STXBP5L: variants seen among roughly 807,000 people sequenced by gnomAD.
STXBP5L encodes syntaxin binding protein 5L, also known as syntaxin-binding protein 5-like.
Under a neutral mutation model 144.5 loss-of-function variants are expected in STXBP5L, and 65 were observed. That is an observed-to-expected ratio of 0.45 (90% CI 0.37 to 0.55). STXBP5L has a LOEUF of 0.55. STXBP5L is among the 20% of genes least tolerant of loss of function. The pLI, the probability that STXBP5L is intolerant of heterozygous loss-of-function variation, is 0.00. For missense variants in STXBP5L, 1,298 were observed against 1,405.5 expected (o/e 0.92, Z 1.22); for synonymous variants, 505 against 469.6 (o/e 1.08, Z -0.97).
intron 18 of STXBP5L, among the ~76,000 whole-genome samples, chr3:121,267,856 G>T (rs2050620176): frequency 6.6e-6 from 1 of 152,152 alleles, no homozygotes; most frequent in Non-Finnish European, 1.5e-5. Context: ...ATCACAATGA[G>T]ATATTATCTC....
At chr3:121,190,270 C>G (rs1699960) in intron 9 of STXBP5L, among the ~76,000 whole-genome samples, 13 of 151,878 alleles carry the variant, frequency 8.6e-5, no homozygotes, top group Non-Finnish European at 1.8e-4. Context: ...TTAGCGAGCA[C>G]GCTGCCTTCA....
intron 14 of STXBP5L, among the ~76,000 whole-genome samples, chr3:121,242,125 A>G (rs1476637914): frequency 6.6e-6 from 1 of 152,188 alleles, no homozygotes; most frequent in Non-Finnish European, 1.5e-5. Context: ...TTTCAACACC[A>G]AATCTACCAT....
At chr3:121,180,287 C>T (rs1310154259) in intron 9 of STXBP5L, among the ~76,000 whole-genome samples, 3 of 152,162 alleles carry the variant, frequency 2.0e-5, no homozygotes, top group African/African-American at 7.2e-5. Flanking sequence ...CCATCTTTAG[C>T]CTACTTAAAC....
At chr3:121,373,638 A>C (rs2046096736) in intron 20 of STXBP5L, among the ~76,000 whole-genome samples, 1 of 152,186 alleles carries the variant, frequency 6.6e-6, no homozygotes, top group South Asian at 2.1e-4. Flanking sequence ...CAGGTGATCT[A>C]GCACATCAGA....
At chr3:121,163,121 T>G (rs2046379441) in intron 9 of STXBP5L, among the ~76,000 whole-genome samples, 1 of 152,152 alleles carries the variant, frequency 6.6e-6, no homozygotes, top group African/African-American at 2.4e-5. Context: ...CACATGCACA[T>G]GTATGTTTAT....
At chr3:121,282,222 TC>T (rs2051084457) in intron 19 of STXBP5L, 1 of 1,591,886 alleles carries the variant, frequency 6.3e-7, no homozygotes, top group South Asian at 1.1e-5. Flanking sequence ...TTTTTCTCTT[TC>T]TTCTGCCTGC....
At chr3:121,029,331 A>T (rs1946192381) in intron 3 of STXBP5L, among the ~76,000 whole-genome samples, 1 of 152,146 alleles carries the variant, frequency 6.6e-6, no homozygotes, top group African/African-American at 2.4e-5. Flanking sequence ...AACAAAACAG[A>T]TATATAGACC....
At chr3:120,982,614 T>TGGAGTAGAA (rs1434673063) in intron 3 of STXBP5L, among the ~76,000 whole-genome samples, 2 of 152,212 alleles carry the variant, frequency 1.3e-5, no homozygotes, top group East Asian at 3.8e-4. Context: ...GAAGTGGCTT[T>TGGAGTAGAA]GGAGTAGAAC....
At chr3:121,004,431 C>G (rs1342957213) in intron 3 of STXBP5L, among the ~76,000 whole-genome samples, 1 of 151,732 alleles carries the variant, frequency 6.6e-6, no homozygotes, top group East Asian at 1.9e-4. Flanking sequence ...AGTTGCCTAT[C>G]AGCTTAAGGA....
intron 10 of STXBP5L, among the ~76,000 whole-genome samples, chr3:121,209,686 G>C (rs920671693): frequency 1.3e-5 from 2 of 151,834 alleles, no homozygotes; most frequent in African/African-American, 4.8e-5. Context: ...TGCAGTGTTT[G>C]GTTTTTTGTC....
chr3:120,982,390 G>T (rs1210940102), intron 3 of STXBP5L, among the ~76,000 whole-genome samples: 1 of 152,188 alleles, frequency 6.6e-6, no homozygotes, highest in South Asian at 2.1e-4. Context: ...ATGAGTGGCA[G>T]GGAGAGCTCC....
intron 5 of STXBP5L, among the ~76,000 whole-genome samples, chr3:121,102,833 A>G (rs2107786791): frequency 6.6e-6 from 1 of 152,240 alleles, no homozygotes; most frequent in Admixed American, 6.5e-5. Flanking sequence ...AGGATCTATA[A>G]GGTACTTAGA....
intron 20 of STXBP5L, among the ~76,000 whole-genome samples, chr3:121,351,681 C>G (rs1451857280): frequency 6.6e-6 from 1 of 152,072 alleles, no homozygotes; most frequent in African/African-American, 2.4e-5. Flanking sequence ...TGTGCAGAAG[C>G]TCTTTAGTTT....
At chr3:121,183,101 A>G (rs2047225303) in intron 9 of STXBP5L, among the ~76,000 whole-genome samples, 1 of 152,200 alleles carries the variant, frequency 6.6e-6, no homozygotes, top group Non-Finnish European at 1.5e-5. Flanking sequence ...CATCCCATTA[A>G]TATGAAAACA....
intron 20 of STXBP5L, among the ~76,000 whole-genome samples, chr3:121,328,188 A>G (rs1417461381): frequency 3.3e-5 from 5 of 152,244 alleles, no homozygotes; most frequent in Non-Finnish European, 7.3e-5. Flanking sequence ...ATGGAATACT[A>G]TAGAATGACA....
intron 3 of STXBP5L, among the ~76,000 whole-genome samples, chr3:120,963,925 TATTA>T (rs1939213344): frequency 6.6e-6 from 1 of 152,206 alleles, no homozygotes; most frequent in Non-Finnish European, 1.5e-5. Flanking sequence ...GTTGGTAGGC[TATTA>T]ATTATTGCCT....
intron 9 of STXBP5L, among the ~76,000 whole-genome samples, chr3:121,164,280 A>C (rs2046424371): frequency 6.6e-6 from 1 of 152,240 alleles, no homozygotes; most frequent in African/African-American, 2.4e-5. Context: ...AGGAAATGCC[A>C]ATCAAAACCA....
chr3:120,964,996 T>G (rs1939379467), intron 3 of STXBP5L, among the ~76,000 whole-genome samples: 1 of 152,214 alleles, frequency 6.6e-6, no homozygotes, highest in African/African-American at 2.4e-5. Context: ...TAGCTCTTCT[T>G]GTTGAATTGA....
chr3:121,388,028 C>T (rs2108696741), intron 22 of STXBP5L, among the ~76,000 whole-genome samples: 1 of 152,330 alleles, frequency 6.6e-6, no homozygotes, highest in East Asian at 1.9e-4. Flanking sequence ...TTCTTCCTAT[C>T]CATGAGCATG....
Sources: gnomAD v4.1 joint callset for allele counts (sites outside exome capture counted in the v4.1 genomes callset) on GRCh38, gnomAD v4.1.1 for gene constraint, MANE v1.5 for transcripts, NCBI Gene and HGNC (gene_info 2026-07-23, HGNC 2026-07-21) for gene names.